NBAS: variants seen among roughly 807,000 people sequenced by gnomAD.
NBAS encodes NAG/BC035112 fusion.
A neutral mutation model predicts 302.5 loss-of-function variants in NBAS; 219 were observed. That is an observed-to-expected ratio of 0.72 (90% CI 0.65 to 0.81). NBAS has a LOEUF of 0.81. Ranked by LOEUF, NBAS falls within the 30% of genes least tolerant of loss-of-function variation. NBAS has a pLI of 0.00. For synonymous variants in NBAS, 1,118 were observed against 1,021.6 expected (o/e 1.09, Z -1.80); for missense variants, 2,932 against 2,841.6 (o/e 1.03, Z -0.72).
chr2:15,026,884 A>T, the NBAS span, among the ~76,000 whole-genome samples: 1 of 152,160 alleles, frequency 6.6e-6, no homozygotes, highest in African/African-American at 2.4e-5. Flanking sequence ...TGGTTGTGCC[A>T]GCTTCGTTTC....
the NBAS span, among the ~76,000 whole-genome samples, chr2:14,905,462 G>A: frequency 3.2e-4 from 48 of 152,064 alleles, no homozygotes; most frequent in Non-Finnish European, 5.1e-4. Flanking sequence ...CAGCTGTCCC[G>A]CTCGGTGGCT....
intron 50 of NBAS, among the ~76,000 whole-genome samples, chr2:15,186,252 C>G (rs918103829): frequency 1.3e-5 from 2 of 151,634 alleles, no homozygotes; most frequent in Non-Finnish European, 2.9e-5. Flanking sequence ...AAATAGAGAA[C>G]AAAGGTCAAA....
chr2:15,393,775 A>G (rs11689153), intron 28 of NBAS: 291,334 of 467,348 alleles, frequency 0.62, 92,997 homozygotes, highest in Non-Finnish European at 0.68. Flanking sequence ...ACAAAAAGAA[A>G]TAAACTACTG....
At chr2:15,270,276 T>G (rs1669256336) in intron 44 of NBAS, among the ~76,000 whole-genome samples, 1 of 152,192 alleles carries the variant, frequency 6.6e-6, no homozygotes, top group South Asian at 2.1e-4. Context: ...GTGATTCTCC[T>G]GCCTCAGCCT....
intron 35 of NBAS, among the ~76,000 whole-genome samples, chr2:15,338,674 T>TACAC (rs70961409): frequency 0.07 from 9,379 of 134,680 alleles, 352 homozygotes; most frequent in Middle Eastern, 0.11. Flanking sequence ...AACACACACA[T>TACAC]ACACACACAC....
the NBAS span, among the ~76,000 whole-genome samples, chr2:15,014,046 G>T: frequency 3.3e-4 from 50 of 151,826 alleles, no homozygotes; most frequent in African/African-American, 1.2e-3. Flanking sequence ...AAAATAAAAG[G>T]AGACAAATAA....
chr2:15,034,039 G>GAAGAAGAA, the NBAS span, among the ~76,000 whole-genome samples: 3 of 84,596 alleles, frequency 3.5e-5, no homozygotes, highest in Non-Finnish European at 6.7e-5. Flanking sequence ...GGAGGAGGAA[G>GAAGAAGAA]GAGGAGGAGG....
chr2:15,094,682 C>T, the NBAS span, among the ~76,000 whole-genome samples: 1 of 152,202 alleles, frequency 6.6e-6, no homozygotes, highest in Non-Finnish European at 1.5e-5. Flanking sequence ...TGATGGGCTA[C>T]AAGACTGTGC....
At chr2:14,823,149 G>C in the NBAS span, among the ~76,000 whole-genome samples, 1 of 152,190 alleles carries the variant, frequency 6.6e-6, no homozygotes, top group Non-Finnish European at 1.5e-5. Context: ...TTTAAGCAAA[G>C]TGTGTTTTCC....
At chr2:14,974,880 T>C in the NBAS span, among the ~76,000 whole-genome samples, 1,234 of 152,312 alleles carry the variant, frequency 8.1e-3, 22 homozygotes, top group South Asian at 0.023. Flanking sequence ...CCTAATCCCC[T>C]GAGCCCTTTA....
At chr2:15,376,803 A>G (rs572817548) in intron 30 of NBAS, among the ~76,000 whole-genome samples, 1 of 152,196 alleles carries the variant, frequency 6.6e-6, no homozygotes, top group African/African-American at 2.4e-5. Flanking sequence ...TACATTCAAC[A>G]TAACTGTAAA....
Position 15,356,459 on chromosome 2 carries a change from G to A in NBAS, c.3818-43C>T, listed in dbSNP as rs146704076. 6,839 of 1,318,632 alleles carry A rather than the reference G, an allele frequency of 5.2e-3. 31 individuals carry two copies. The highest frequency in any genetic ancestry group is 6.3e-3 in the Non-Finnish European group (5,739 of 911,042). The allele number at this position is 1,318,632 out of a possible 1,614,324, so 81.7% of individuals were successfully genotyped here. A position where few individuals can be genotyped will look rare whatever the true frequency, so the allele number is the denominator to read the frequency against. ...GGACTTAATGATTATGACAAGCAACGTCAATTGATAGAAGAGCTTGTTAAC... is the reference window on the plus strand; with the variant it reads ...GGACTTAATGATTATGACAAGCAACATCAATTGATAGAAGAGCTTGTTAAC... On this transcript the variant is annotated intron_variant, in intron 32 of 51. Transcript: ENST00000281513.
At chr2:15,186,663 G>A in intron 50 of NBAS, 79 bp downstream of exon 50, 2 of 1,595,764 alleles carry the variant, frequency 1.3e-6, no homozygotes, top group Non-Finnish European at 1.7e-6. Context: ...CTCAAATCCA[G>A]TCTCTGGGAT....
At chr2:14,793,568 G>C in the NBAS span, among the ~76,000 whole-genome samples, 1 of 151,920 alleles carries the variant, frequency 6.6e-6, no homozygotes, top group East Asian at 1.9e-4. Context: ...GGTATATGTG[G>C]GGCAATTATG....
At chr2:14,823,228 G>A in the NBAS span, among the ~76,000 whole-genome samples, 1 of 152,190 alleles carries the variant, frequency 6.6e-6, no homozygotes, top group East Asian at 1.9e-4. Context: ...CTAAATCCAT[G>A]CTCTGTAAGT....
chr2:15,155,424 C>T, the NBAS span, among the ~76,000 whole-genome samples: 1 of 152,088 alleles, frequency 6.6e-6, no homozygotes, highest in African/African-American at 2.4e-5. Flanking sequence ...GAGTGCAAAG[C>T]ACTTAAGCAA....
chr2:15,431,298 C>T (rs980595901), intron 21 of NBAS, among the ~76,000 whole-genome samples: 10 of 151,840 alleles, frequency 6.6e-5, no homozygotes, highest in African/African-American at 2.4e-4. Context: ...AACAAAAAAA[C>T]CCTTCTTGTT....
the NBAS span, among the ~76,000 whole-genome samples, chr2:14,803,981 A>G: frequency 6.6e-6 from 1 of 152,222 alleles, no homozygotes; most frequent in Non-Finnish European, 1.5e-5. Flanking sequence ...ACAGATAAGA[A>G]GCTAATTCTG....
At chr2:15,461,405 A>G (rs1029943003) in intron 20 of NBAS, 68 bp from the exon 21 acceptor site, 5 of 1,528,300 alleles carry the variant, frequency 3.3e-6, no homozygotes, top group African/African-American at 1.4e-5. Context: ...TTTATATGAC[A>G]ACATTCAAAA....
Sources: allele counts gnomAD v4.1 joint callset (sites outside exome capture counted in the v4.1 genomes callset), GRCh38; gene constraint gnomAD v4.1.1; transcripts MANE v1.5; gene names NCBI Gene and HGNC (gene_info 2026-07-23, HGNC 2026-07-21).